Variants in ANO10 observed in about 807,000 individuals in gnomAD.
ANO10 encodes the protein anoctamin-10.
Under a neutral mutation model 74.7 loss-of-function variants are expected in ANO10, and 77 were observed. The ratio of observed to expected loss-of-function variants is 1.03; its 90% CI spans 0.86 to 1.25. The LOEUF is 1.25. Ranked by LOEUF, ANO10 falls within the 50% of genes most tolerant of loss-of-function variation. The pLI, the probability that ANO10 is intolerant of heterozygous loss-of-function variation, is 0.00. For missense variants in ANO10, 721 were observed against 778.1 expected, an observed-to-expected ratio of 0.93 and a Z score of 0.87; for synonymous variants, 279 against 284.9, an observed-to-expected ratio of 0.98 and a Z score of 0.21.
chr3:43,682,178 G>A (rs1256236105), intron 1 of ANO10, among the ~76,000 whole-genome samples: 7 of 152,080 alleles, frequency 4.6e-5, no homozygotes, highest in Admixed American at 2.0e-4. Flanking sequence ...TTGATAGACC[G>A]CTAGCAAGAC....
At chr3:43,532,073 T>C (rs931231520) in intron 11 of ANO10, among the ~76,000 whole-genome samples, 1 of 152,146 alleles carries the variant, frequency 6.6e-6, no homozygotes, top group African/African-American at 2.4e-5. Flanking sequence ...CAACTGTACC[T>C]TGCCAACAAG....
chr3:43,687,003 AT>A (rs59861590), intron 1 of ANO10, among the ~76,000 whole-genome samples: 12,025 of 142,844 alleles, frequency 0.084, 604 homozygotes, highest in South Asian at 0.22. Flanking sequence ...AAGTCATGTG[AT>A]TTTTTTTTTT....
chr3:43,533,294 A>T (rs944742302), intron 11 of ANO10, among the ~76,000 whole-genome samples: 1 of 152,212 alleles, frequency 6.6e-6, no homozygotes, highest in African/African-American at 2.4e-5. Flanking sequence ...CACTGAGGCT[A>T]AGCCATGCCC....
intron 12 of ANO10, among the ~76,000 whole-genome samples, chr3:43,382,285 CG>C (rs1367161117): frequency 2.6e-5 from 4 of 151,970 alleles, no homozygotes; most frequent in African/African-American, 7.3e-5. Context: ...TTTGGGAGGC[CG>C]AGGCGGGCGG....
chr3:43,550,746 CTATT>C (rs2079420684), intron 10 of ANO10, among the ~76,000 whole-genome samples: 1 of 152,028 alleles, frequency 6.6e-6, no homozygotes. Context: ...TTTAAAATTT[CTATT>C]TATTTACTTT....
chr3:43,583,078 T>G (rs773600417), intron 4 of ANO10, among the ~76,000 whole-genome samples: 12 of 152,214 alleles, frequency 7.9e-5, no homozygotes, highest in Non-Finnish European at 1.5e-4. Context: ...TGTAGAAGAC[T>G]TCCCAGGCAG....
intron 12 of ANO10, among the ~76,000 whole-genome samples, chr3:43,412,366 G>GA: frequency 6.6e-6 from 1 of 152,104 alleles, no homozygotes; most frequent in Non-Finnish European, 1.5e-5. Flanking sequence ...GGAGAATGAG[G>GA]AAAAGGAGGG....
At chr3:43,393,436 A>G (rs2092316228) in intron 12 of ANO10, among the ~76,000 whole-genome samples, 2 of 152,204 alleles carry the variant, frequency 1.3e-5, no homozygotes, top group African/African-American at 2.4e-5. Context: ...TTACTGGTTT[A>G]CTTATACCCT....
intron 4 of ANO10, among the ~76,000 whole-genome samples, chr3:43,596,647 A>G (rs1003838702): frequency 6.6e-6 from 1 of 152,206 alleles, no homozygotes; most frequent in Non-Finnish European, 1.5e-5. Flanking sequence ...CAGACCGAAA[A>G]CCATTAAAAA....
At chr3:43,577,650 C>G (rs2081078198) in intron 5 of ANO10, among the ~76,000 whole-genome samples, 2 of 152,222 alleles carry the variant, frequency 1.3e-5, no homozygotes, top group African/African-American at 4.8e-5. Flanking sequence ...ATGCTCCCCA[C>G]TTTTCTCCCA....
At chr3:43,598,739 G>A (rs2082205402) in intron 3 of ANO10, 73 bp from the exon 4 acceptor site, 2 of 1,223,002 alleles carry the variant, frequency 1.6e-6, no homozygotes, top group African/African-American at 1.5e-5. Flanking sequence ...TGAGATTACA[G>A]AAATAATGGT....
At chr3:43,630,094 G>T (rs1193451415) in intron 1 of ANO10, among the ~76,000 whole-genome samples, 3 of 152,126 alleles carry the variant, frequency 2.0e-5, no homozygotes, top group African/African-American at 7.2e-5. Flanking sequence ...ATGGGGAAGG[G>T]CAGTGTCTCA....
intron 1 of ANO10, among the ~76,000 whole-genome samples, chr3:43,627,513 C>T (rs2083503573): frequency 6.6e-6 from 1 of 152,216 alleles, no homozygotes; most frequent in South Asian, 2.1e-4. Context: ...CTTCTTAACA[C>T]CCAGGAAGCT....
chr3:43,506,645 T>C (rs2077305032), intron 11 of ANO10, among the ~76,000 whole-genome samples: 1 of 152,172 alleles, frequency 6.6e-6, no homozygotes, highest in African/African-American at 2.4e-5. Flanking sequence ...TTCTTTGCTG[T>C]TCCTTAATAG....
chr3:43,382,150 G>T lies in ANO10; in HGVS notation c.1915-15176C>A, dbSNP rs566611885. On this transcript the variant is annotated intron_variant, in intron 12 of 12. Coordinates refer to ENST00000292246, the MANE Select transcript of ANO10 (RefSeq NM_018075.5). ...CACAAAGTCTGAAAGAGCACAAATA[G>T]ACAATCTAAGGTCACATCTCAAGGA... 2.0e-5 allele frequency among the ~76,000 whole-genome samples: 3 copies of T among 152,332 alleles called. No individual in the cohort carries two copies. The South Asian group carries it at 6.2e-4, about 32-fold the overall frequency.
chr3:43,374,809 TA>T (rs2091740887), intron 12 of ANO10, among the ~76,000 whole-genome samples: 2 of 152,176 alleles, frequency 1.3e-5, no homozygotes, highest in Non-Finnish European at 2.9e-5. Context: ...TTTAGCAAGA[TA>T]TTAAAGAGTG....
At chr3:43,479,605 A>G (rs902683334) in intron 11 of ANO10, among the ~76,000 whole-genome samples, 2 of 152,204 alleles carry the variant, frequency 1.3e-5, no homozygotes, top group African/African-American at 4.8e-5. Flanking sequence ...AAGTGGATAG[A>G]CTAAGTAGGA....
rs553407240 is a variant in ANO10 at position 43,442,232 on chromosome 3, T to C, written c.1798-9505A>G. ...TCCAAATTGGAAAGTAGTAAAATTA[T>C]ATCTGTTTGTGGATTACATTATTTT... On this transcript the variant is annotated intron_variant, in intron 11 of 12. Transcript: ENST00000292246. Among the ~76,000 whole-genome samples, 128 of 152,142 alleles carry C rather than the reference T, an allele frequency of 8.4e-4. 1 individual carries two copies. The highest frequency in any genetic ancestry group is 1.6e-3 in the Non-Finnish European group (109 of 67,988).
chr3:43,640,805 T>C (rs2083663907), intron 1 of ANO10, among the ~76,000 whole-genome samples: 1 of 152,220 alleles, frequency 6.6e-6, no homozygotes. Context: ...ATTTCATGCT[T>C]AGTGCTTTTT....
Sources: allele counts gnomAD v4.1 joint callset (sites outside exome capture counted in the v4.1 genomes callset), GRCh38; gene constraint gnomAD v4.1.1; transcripts MANE v1.5; gene names NCBI Gene and HGNC (gene_info 2026-07-23, HGNC 2026-07-21).